Variants in USH1C observed in about 807,000 individuals in gnomAD.
USH1C encodes the protein harmonin.
Under a neutral mutation model 119.3 loss-of-function variants are expected in USH1C, and 90 were observed. That is an observed-to-expected ratio of 0.75 (90% CI 0.64 to 0.90). The LOEUF is 0.90. Among genes scored for constraint, USH1C ranks in the 40% least tolerant of loss-of-function variants. The pLI, the probability that USH1C is intolerant of heterozygous loss-of-function variation, is 0.00. For missense variants in USH1C, 1,165 were observed against 1,167.7 expected (o/e 1.00, Z 0.03); for synonymous variants, 465 against 443.3 (o/e 1.05, Z -0.62).
intron 20 of USH1C, among the ~76,000 whole-genome samples, chr11:17,503,728 T>C (rs897753662): frequency 3.9e-5 from 6 of 152,240 alleles, no homozygotes; most frequent in Non-Finnish European, 8.8e-5. Flanking sequence ...AATCCAGGGA[T>C]TGACATTAGC....
chr11:17,505,708 A>G (rs752793059), intron 19 of USH1C, 122 bp downstream of exon 19: 198 of 1,430,062 alleles, frequency 1.4e-4, no homozygotes, highest in Non-Finnish European at 1.8e-4. Context: ...AGGTTAAGAG[A>G]TGGCATCTGT....
chr11:17,522,020 A>G (rs1160081733), intron 12 of USH1C, among the ~76,000 whole-genome samples: 2 of 151,934 alleles, frequency 1.3e-5, no homozygotes, highest in Non-Finnish European at 2.9e-5. Context: ...TTTAGTAGAG[A>G]CACAGTTTCA....
chr11:17,533,125 G>A, intron 2 of USH1C, 130 bp downstream of exon 2: 2 of 777,424 alleles, frequency 2.6e-6, no homozygotes, highest in East Asian at 2.5e-5. Flanking sequence ...TGAATGGTAT[G>A]TCCATTTGAT....
intron 14 of USH1C, among the ~76,000 whole-genome samples, chr11:17,518,386 A>G (rs534476345): frequency 6.6e-6 from 1 of 152,284 alleles, no homozygotes; most frequent in East Asian, 1.9e-4. Flanking sequence ...ATAGGGAGAG[A>G]AGGTTGGAGA....
chr11:17,518,291 A>C (rs1458524326), intron 14 of USH1C, among the ~76,000 whole-genome samples: 1 of 152,260 alleles, frequency 6.6e-6, no homozygotes, highest in African/African-American at 2.4e-5. Context: ...TGATTATTTA[A>C]TAGTTCGGTA....
intron 23 of USH1C, among the ~76,000 whole-genome samples, chr11:17,500,639 T>C (rs1429685795): frequency 1.8e-4 from 27 of 152,148 alleles, no homozygotes; most frequent in Admixed American, 1.6e-3. Context: ...ACATTGACTA[T>C]GCTCAGCTCA....
rs1850944721 is a variant in USH1C, at chr11:17,531,072, C to T, written c.387+82G>A. Reference sequence around the variant, plus strand: ...CAGAAAAGTGGGTGACCATGTTGTGCCACACAGCCTAGTGGATGAATGAGG... The same window carrying T: ...CAGAAAAGTGGGTGACCATGTTGTGTCACACAGCCTAGTGGATGAATGAGG... On this transcript the variant is annotated intron_variant, in intron 4 of 26. Coordinates refer to ENST00000005226, the MANE Select transcript of USH1C (RefSeq NM_153676.4). The surrounding 1 kb of genome is among the most constrained non-coding windows in gnomAD (Gnocchi z 4.2). 5.6e-6 allele frequency: 9 copies of T among 1,603,324 alleles called. No individual in the cohort carries two copies. The highest frequency in any genetic ancestry group is 2.2e-5 in the East Asian group (1 of 44,672).
intron 1 of USH1C, among the ~76,000 whole-genome samples, chr11:17,543,469 G>A (rs1851560424): frequency 6.9e-6 from 1 of 144,504 alleles, no homozygotes; most frequent in African/African-American, 2.4e-5. Context: ...AGACTTGGTG[G>A]GGAAGTAGGC....
intron 23 of USH1C, 103 bp downstream of exon 23, chr11:17,500,948 C>A: frequency 1.0e-6 from 1 of 952,720 alleles, no homozygotes; most frequent in Non-Finnish European, 1.6e-6. Flanking sequence ...CATTCTCCAG[C>A]AACCGTCAGC....
chr11:17,533,634 G>C, intron 1 of USH1C: 2 of 528,938 alleles, frequency 3.8e-6, no homozygotes, highest in South Asian at 3.3e-5. Context: ...GAATCCCCAT[G>C]TGACAGTGAC....
rs560860474 is a variant in USH1C at position 17,541,407 on chromosome 11, C to G, written c.36+2865G>C. On this transcript the variant is annotated intron_variant, in intron 1 of 26. Transcript: ENST00000005226. ...CCTATGTGAATAAATGAATGATTAA[C>G]AAATTCCTAGAGAGTGGTGGCTCTT... 9.2e-5 allele frequency among the ~76,000 whole-genome samples: 14 copies of G among 152,300 alleles called. No individual in the cohort carries two copies. The South Asian group carries it at 1.9e-3, about 20-fold the overall frequency.
chr11:17,522,958 C>T (rs751185703), intron 11 of USH1C, 32 bp from the exon 12 acceptor site: 1 of 1,602,278 alleles, frequency 6.2e-7, no homozygotes, highest in South Asian at 1.1e-5. Flanking sequence ...CTTGCTCAGC[C>T]CCCGGGGAAC....
chr11:17,532,708 A>G (rs1173667559), intron 2 of USH1C, among the ~76,000 whole-genome samples: 7 of 152,012 alleles, frequency 4.6e-5, no homozygotes, highest in African/African-American at 1.5e-4. Flanking sequence ...TTTTACCTCT[A>G]CTTAGCAGTT....
chr11:17,528,073 C>T (rs1850788407), intron 4 of USH1C, among the ~76,000 whole-genome samples: 1 of 152,144 alleles, frequency 6.6e-6, no homozygotes, highest in Non-Finnish European at 1.5e-5. Context: ...CTGTTTTCCT[C>T]GTCTGTAAAA....
intron 1 of USH1C, among the ~76,000 whole-genome samples, chr11:17,538,074 G>C (rs575963828): frequency 1.3e-5 from 2 of 152,302 alleles, no homozygotes; most frequent in East Asian, 3.9e-4. Flanking sequence ...TCTCCGACTA[G>C]ATTTAGAAAG....
intron 1 of USH1C, 197 bp from the exon 2 acceptor site, chr11:17,533,519 G>A: frequency 1.5e-6 from 1 of 651,776 alleles, no homozygotes; most frequent in Non-Finnish European, 2.8e-6. Context: ...ACCCCAACGT[G>A]GCCACAGGAG....
intron 1 of USH1C, among the ~76,000 whole-genome samples, 195 bp downstream of exon 1, chr11:17,544,077 G>A (rs1399168667): frequency 6.6e-6 from 1 of 152,228 alleles, no homozygotes. Context: ...TCCTTGAGCC[G>A]GGAGTCCCCG....
At chr11:17,540,091 C>A (rs1009748587) in intron 1 of USH1C, among the ~76,000 whole-genome samples, 1 of 152,140 alleles carries the variant, frequency 6.6e-6, no homozygotes, top group Non-Finnish European at 1.5e-5. Flanking sequence ...CTCAGCCTCC[C>A]AAAATGCTGG....
chr11:17,544,046 G>C (rs1851591779), intron 1 of USH1C, among the ~76,000 whole-genome samples: 1 of 152,252 alleles, frequency 6.6e-6, no homozygotes, highest in Non-Finnish European at 1.5e-5. Context: ...AAGGCTGGCA[G>C]AAGATCGACT....
Sources: gnomAD v4.1 joint callset for allele counts (sites outside exome capture counted in the v4.1 genomes callset) on GRCh38, gnomAD v4.1.1 for gene constraint, Gnocchi (gnomAD v3.1) non-coding constraint, MANE v1.5 for transcripts, NCBI Gene and HGNC (gene_info 2026-07-23, HGNC 2026-07-21) for gene names.